CFAP107: variants seen among roughly 807,000 people sequenced by gnomAD.
The protein encoded by CFAP107 is cilia- and flagella-associated protein 107.
the CFAP107 span, chr1:12,746,289 G>A: frequency 1.2e-5 from 7 of 568,958 alleles, no homozygotes; most frequent in East Asian, 2.2e-4. Flanking sequence ...AGGTTAGCAA[G>A]GAGTCATCTA....
At chr1:12,751,043 T>TA in the CFAP107 span, among the ~76,000 whole-genome samples, 5 of 151,434 alleles carry the variant, frequency 3.3e-5, no homozygotes, top group East Asian at 5.8e-4. Context: ...AACACTGTTT[T>TA]AAAAAAAATC....
At chr1:12,747,989 A>G in the CFAP107 span, among the ~76,000 whole-genome samples, 1 of 152,256 alleles carries the variant, frequency 6.6e-6, no homozygotes, top group African/African-American at 2.4e-5. Context: ...TCAAAGATAT[A>G]TAGCGACAAA....
chr1:12,754,099 A>G, the CFAP107 span, among the ~76,000 whole-genome samples: 22,640 of 152,122 alleles, frequency 0.15, 2,582 homozygotes, highest in African/African-American at 0.33. Context: ...CCAATGGAGT[A>G]GGAGAGAATA....
chr1:12,760,555 T>C, the CFAP107 span, among the ~76,000 whole-genome samples: 4 of 152,212 alleles, frequency 2.6e-5, 1 homozygote, highest in Non-Finnish European at 4.4e-5. Flanking sequence ...CCCTGAGCAC[T>C]TGGGATGCAG....
At chr1:12,756,301 G>A in the CFAP107 span, among the ~76,000 whole-genome samples, 1 of 152,232 alleles carries the variant, frequency 6.6e-6, no homozygotes, top group South Asian at 2.1e-4. Context: ...TGGAAGCAGA[G>A]AGCAGGGCAT....
chr1:12,760,773 C>A, the CFAP107 span: 2 of 1,612,674 alleles, frequency 1.2e-6, no homozygotes, highest in African/African-American at 2.7e-5. Flanking sequence ...CTTGCAGCTC[C>A]CCCTACAAAC....
At chr1:12,763,232 A>G in the CFAP107 span, 1 of 152,054 alleles carries the variant, frequency 6.6e-6, no homozygotes, top group Non-Finnish European at 1.5e-5. Context: ...GTAGCTGATG[A>G]GCTAAAAAAA....
At chr1:12,749,902 C>T in the CFAP107 span, among the ~76,000 whole-genome samples, 1 of 152,168 alleles carries the variant, frequency 6.6e-6, no homozygotes, top group African/African-American at 2.4e-5. Context: ...TAACTTGAAG[C>T]TGTGCAAAAA....
chr1:12,760,725 T>A, the CFAP107 span: 1 of 1,578,432 alleles, frequency 6.3e-7, no homozygotes, highest in Non-Finnish European at 8.6e-7. Flanking sequence ...AGAGCAAGAC[T>A]CCTTCTGTAA....
chr1:12,755,121 G>A, the CFAP107 span, among the ~76,000 whole-genome samples: 1 of 152,084 alleles, frequency 6.6e-6, no homozygotes, highest in Non-Finnish European at 1.5e-5. Flanking sequence ...AGAAAGAAAG[G>A]GAGGGCCGGG....
the CFAP107 span, among the ~76,000 whole-genome samples, chr1:12,754,231 T>TGAA: frequency 1.3e-5 from 2 of 152,328 alleles, no homozygotes; most frequent in South Asian, 4.1e-4. Context: ...GAATAGGTAT[T>TGAA]TCTCCAAAGA....
the CFAP107 span, among the ~76,000 whole-genome samples, chr1:12,748,999 G>A: frequency 1.3e-5 from 2 of 152,132 alleles, no homozygotes; most frequent in East Asian, 3.8e-4. Flanking sequence ...AAATTTAAAG[G>A]CAGTGAACAG....
At chr1:12,746,830 A>C in the CFAP107 span, among the ~76,000 whole-genome samples, 1 of 152,126 alleles carries the variant, frequency 6.6e-6, no homozygotes, top group Admixed American at 6.5e-5. Context: ...ACAGGGTGTC[A>C]ATATAGTCGT....
the CFAP107 span, among the ~76,000 whole-genome samples, chr1:12,751,108 C>T: frequency 3.3e-5 from 5 of 151,226 alleles, no homozygotes; most frequent in Non-Finnish European, 7.4e-5. Flanking sequence ...ATACAACATA[C>T]CAAAACTTAT....
the CFAP107 span, chr1:12,760,802 C>A: frequency 6.2e-7 from 1 of 1,614,090 alleles, no homozygotes; most frequent in South Asian, 1.1e-5. Context: ...CTATGAGCAG[C>A]TCAAGCAGAG....
chr1:12,760,297 A>C, the CFAP107 span, among the ~76,000 whole-genome samples: 1 of 152,206 alleles, frequency 6.6e-6, no homozygotes, highest in Non-Finnish European at 1.5e-5. Context: ...CCACGTCCAC[A>C]CTAGTGAGGA....
At chr1:12,746,550 A>G in the CFAP107 span, 4 of 1,596,830 alleles carry the variant, frequency 2.5e-6, no homozygotes, top group African/African-American at 2.7e-5. Context: ...AGGTAAGGAA[A>G]CGAGAGAGGT....
At chr1:12,761,519 G>C in the CFAP107 span, 1 of 151,152 alleles carries the variant, frequency 6.6e-6, no homozygotes, top group Non-Finnish European at 1.5e-5. Flanking sequence ...CTCTGAGCTC[G>C]CAAATCTTTG....
the CFAP107 span, chr1:12,763,677 A>C: frequency 4.6e-5 from 7 of 152,186 alleles, no homozygotes; most frequent in African/African-American, 1.7e-4. Flanking sequence ...TATAAATGTG[A>C]ATAAATGCAC....
Sources: gnomAD v4.1 joint callset for allele counts (sites outside exome capture counted in the v4.1 genomes callset) on GRCh38, gnomAD v4.1.1 for gene constraint, MANE v1.5 for transcripts, NCBI Gene and HGNC (gene_info 2026-07-23, HGNC 2026-07-21) for gene names.